Variants in ITCH observed in about 807,000 individuals in gnomAD.
The protein encoded by ITCH is E3 ubiquitin-protein ligase Itchy homolog.
ITCH carries 28 observed loss-of-function variants against 126.8 expected under a neutral mutation model. The ratio of observed to expected loss-of-function variants is 0.22; its 90% CI spans 0.16 to 0.30. The LOEUF is 0.30. Among genes scored for constraint, ITCH ranks in the 10% least tolerant of loss-of-function variants. The pLI is 1.00. For missense variants in ITCH, 631 were observed against 1,032.4 expected (o/e 0.61, Z 5.33); for synonymous variants, 342 against 340.0 (o/e 1.01, Z -0.06).
intron 17 of ITCH, among the ~76,000 whole-genome samples, chr20:34,478,532 G>A (rs1204734530): frequency 6.6e-6 from 1 of 152,066 alleles, no homozygotes; most frequent in Non-Finnish European, 1.5e-5. Context: ...AGGACTTTGG[G>A]GTCAAGACGG....
chr20:34,440,811 C>T (rs773327828), intron 9 of ITCH, among the ~76,000 whole-genome samples: 1 of 152,078 alleles, frequency 6.6e-6, no homozygotes, highest in Admixed American at 6.6e-5. Context: ...AAGGAAAACA[C>T]ACCATATTTG....
chr20:34,437,609 T>C (rs1983190779), intron 7 of ITCH, among the ~76,000 whole-genome samples: 1 of 152,230 alleles, frequency 6.6e-6, no homozygotes, highest in South Asian at 2.1e-4. Context: ...ACCCGGCCTC[T>C]GTTAGTTGAA....
chr20:34,435,480 T>C (rs1239530876), intron 7 of ITCH, among the ~76,000 whole-genome samples: 1 of 152,150 alleles, frequency 6.6e-6, no homozygotes, highest in African/African-American at 2.4e-5. Context: ...ATTTCTTCTT[T>C]TTAATAAGAG....
chr20:34,465,376 A>C (rs1986953043), intron 14 of ITCH, among the ~76,000 whole-genome samples: 1 of 151,884 alleles, frequency 6.6e-6, no homozygotes, highest in Admixed American at 6.6e-5. Context: ...TTGAGATTCC[A>C]TATGAATTTT....
chr20:34,430,275 C>G (rs6059832), intron 7 of ITCH, among the ~76,000 whole-genome samples: 3 of 152,150 alleles, frequency 2.0e-5, no homozygotes, highest in Non-Finnish European at 4.4e-5. Flanking sequence ...ACAGCCTTAC[C>G]TTCAGAGCCT....
At chr20:34,497,907 G>C (rs1338390963) in intron 23 of ITCH, among the ~76,000 whole-genome samples, 1 of 152,208 alleles carries the variant, frequency 6.6e-6, no homozygotes, top group Non-Finnish European at 1.5e-5. Flanking sequence ...GGATTGCATT[G>C]AATCTGTAGA....
intron 24 of ITCH, among the ~76,000 whole-genome samples, chr20:34,505,766 G>A (rs1423049013): frequency 6.6e-6 from 1 of 151,912 alleles, no homozygotes; most frequent in Non-Finnish European, 1.5e-5. Flanking sequence ...ATGTTCGCCA[G>A]GCTGTTCTTG....
chr20:34,369,200 C>T (rs1239146313), intron 1 of ITCH, among the ~76,000 whole-genome samples, 194 bp from the exon 2 acceptor site: 2 of 152,068 alleles, frequency 1.3e-5, no homozygotes, highest in Admixed American at 6.6e-5. Context: ...TGGGGGTGCA[C>T]GCCCGTAGTG....
At chr20:34,367,625 T>A (rs974385584) in intron 1 of ITCH, among the ~76,000 whole-genome samples, 1 of 152,232 alleles carries the variant, frequency 6.6e-6, no homozygotes, top group Non-Finnish European at 1.5e-5. Flanking sequence ...CAATGATGTC[T>A]CCTGTGGACA....
intron 2 of ITCH, among the ~76,000 whole-genome samples, chr20:34,390,443 C>CTTTTTTTTTT (rs546555130): frequency 4.4e-5 from 4 of 90,792 alleles, no homozygotes; most frequent in Non-Finnish European, 6.6e-5. Flanking sequence ...CAAGAATAAT[C>CTTTTTTTTTT]TTTTTTTTTT....
At chr20:34,468,852 A>G (rs1385443047) in intron 14 of ITCH, among the ~76,000 whole-genome samples, 2 of 152,166 alleles carry the variant, frequency 1.3e-5, no homozygotes, top group Non-Finnish European at 2.9e-5. Flanking sequence ...GGAAGAAGTA[A>G]AACTGTCTCT....
At chr20:34,491,225 T>G (rs1253877603) in intron 22 of ITCH, among the ~76,000 whole-genome samples, 2 of 152,162 alleles carry the variant, frequency 1.3e-5, no homozygotes, top group Non-Finnish European at 2.9e-5. Context: ...AGTAATGAGA[T>G]TTTTGGTATG....
chr20:34,442,239 G>C lies in ITCH; in HGVS notation c.901G>C (p.Val301Leu). The C allele has an allele frequency of 7.4e-6, 12 of 1,614,052 alleles. No homozygotes were observed. The highest frequency in any genetic ancestry group is 1.0e-5 in the Non-Finnish European group (12 of 1,179,962). The change falls in exon 10 of 25, where the codon GTT becomes CTT. Residue 301 changes from valine to leucine, a missense_variant. Transcript: ENST00000374864. ...WEQRVDQHGR[V>L]YYVDHVEKRT... is the part of the protein sequence containing the mutation. ...GCAGAGAGTGGACCAGCACGGGCGA[G>C]TTTACTATGTAGATCATGTTGAGAA...
intron 20 of ITCH, 102 bp downstream of exon 20, chr20:34,481,308 C>T (rs1362601729): frequency 7.9e-7 from 1 of 1,267,332 alleles, no homozygotes; most frequent in Non-Finnish European, 1.1e-6. Flanking sequence ...TAGTATTTGT[C>T]TCTGTACTAA....
At chr20:34,503,490 C>T (rs940596697) in intron 23 of ITCH, among the ~76,000 whole-genome samples, 3 of 152,156 alleles carry the variant, frequency 2.0e-5, no homozygotes, top group East Asian at 1.9e-4. Flanking sequence ...GTATGCCCTA[C>T]AGGACCTGTA....
intron 7 of ITCH, among the ~76,000 whole-genome samples, chr20:34,427,525 G>T (rs1285468829): frequency 6.6e-6 from 1 of 152,220 alleles, no homozygotes; most frequent in East Asian, 1.9e-4. Flanking sequence ...GGTGCCCAAA[G>T]TGGGAGGATC....
chr20:34,460,173 T>C (rs978218542), intron 13 of ITCH, among the ~76,000 whole-genome samples: 2 of 103,080 alleles, frequency 1.9e-5, no homozygotes, highest in Admixed American at 1.6e-4. Flanking sequence ...GTTAAGTGAA[T>C]ACAGGTTTGT....
intron 6 of ITCH, among the ~76,000 whole-genome samples, chr20:34,415,176 T>C (rs747281099): frequency 8.5e-5 from 13 of 152,202 alleles, no homozygotes; most frequent in Admixed American, 7.2e-4. Context: ...GGAACTGCAT[T>C]ATGAAACATT....
At chr20:34,417,048 T>C (rs1011285676) in intron 6 of ITCH, 2 of 568,278 alleles carry the variant, frequency 3.5e-6, no homozygotes, top group Non-Finnish European at 6.6e-6. Context: ...TAGCTAGGAT[T>C]ACAGGCATCT....
Sources: gnomAD v4.1 joint callset for allele counts (sites outside exome capture counted in the v4.1 genomes callset) on GRCh38, gnomAD v4.1.1 for gene constraint, MANE v1.5 for transcripts, NCBI Gene and HGNC (gene_info 2026-07-23, HGNC 2026-07-21) for gene names.